GRM8: variants seen among roughly 807,000 people sequenced by gnomAD.
The protein encoded by GRM8 is glutamate metabotropic receptor 8.
In GRM8, 47 loss-of-function variants were observed where a neutral mutation model predicts 87.2. That is an observed-to-expected ratio of 0.54 (90% CI 0.43 to 0.69). The LOEUF (loss-of-function observed/expected upper bound fraction) is 0.69. GRM8 is among the 30% of genes least tolerant of loss of function. The probability of loss-of-function intolerance (pLI) is 0.00; values close to 1 mark genes in which losing one functional copy is unlikely to be tolerated. For synonymous variants in GRM8, 396 were observed against 404.5 expected, an observed-to-expected ratio of 0.98 and a Z score of 0.25; for missense variants, 1,019 against 1,139.2, an observed-to-expected ratio of 0.89 and a Z score of 1.52.
At chr7:127,023,751 CAAA>C (rs1332075287) in intron 3 of GRM8, among the ~76,000 whole-genome samples, 20 of 152,084 alleles carry the variant, frequency 1.3e-4, no homozygotes, top group Non-Finnish European at 5.9e-5. Context: ...TTTCCAATTT[CAAA>C]TCCACAGTCA....
At chr7:126,781,144 C>T (rs149871781) in intron 6 of GRM8, among the ~76,000 whole-genome samples, 20 of 152,274 alleles carry the variant, frequency 1.3e-4, no homozygotes, top group Non-Finnish European at 2.9e-4. Context: ...ACAGAAATAG[C>T]ATGTCCTGCC....
chr7:126,860,485 C>T (rs768513166), intron 6 of GRM8, among the ~76,000 whole-genome samples: 4 of 152,002 alleles, frequency 2.6e-5, no homozygotes, highest in Non-Finnish European at 5.9e-5. Context: ...AAGATGATTG[C>T]CTCTACTAAG....
chr7:127,113,850 G>T (rs1044997046), intron 2 of GRM8, among the ~76,000 whole-genome samples: 6 of 152,128 alleles, frequency 3.9e-5, no homozygotes, highest in African/African-American at 1.2e-4. Flanking sequence ...CTAGTTGCTT[G>T]TGGCAAAACA....
chr7:127,088,808 C>T (rs1486644927), intron 3 of GRM8, among the ~76,000 whole-genome samples: 3 of 152,126 alleles, frequency 2.0e-5, no homozygotes, highest in Non-Finnish European at 4.4e-5. Context: ...TGGAGCTCAC[C>T]CCAGCTTTCT....
At chr7:126,445,211 C>G (rs1210495469) in intron 10 of GRM8, 4 of 152,076 alleles carry the variant, frequency 2.6e-5, no homozygotes, top group Non-Finnish European at 5.9e-5. Context: ...TTCCAAAAGA[C>G]TGGAAGCCAC....
chr7:126,784,139 A>G (rs894708482), intron 6 of GRM8, among the ~76,000 whole-genome samples: 1 of 152,218 alleles, frequency 6.6e-6, no homozygotes, highest in Admixed American at 6.6e-5. Context: ...AAAACATTCC[A>G]AAACTGAAGT....
At position 127,081,125 on chromosome 7, in the gene GRM8, T is replaced by G. The variant is rs1204678716; in HGVS notation, c.727+25371A>C. ...TAATTAGAGATGTTTAGCAGACACT[T>G]AATCCCTAGAATAGCACGAAAGGTC... On this transcript the variant is annotated intron_variant, in intron 3 of 10. Coordinates refer to ENST00000339582, the MANE Select transcript of GRM8 (RefSeq NM_000845.3). Among the ~76,000 whole-genome samples the G allele has an allele frequency of 3.9e-5, 6 of 152,266 alleles. No individual in the cohort carries two copies. In the East Asian group the frequency reaches 1.2e-3, roughly 29 times the overall value.
At chr7:127,135,532 G>C in intron 2 of GRM8, among the ~76,000 whole-genome samples, 1 of 133,344 alleles carries the variant, frequency 7.5e-6, no homozygotes, top group African/African-American at 2.7e-5. Context: ...GAAGAGGCTA[G>C]TTAGAAAGTC....
intron 2 of GRM8, among the ~76,000 whole-genome samples, chr7:127,117,738 C>T (rs953153182): frequency 6.6e-6 from 1 of 152,232 alleles, no homozygotes; most frequent in Non-Finnish European, 1.5e-5. Flanking sequence ...TGACTTCAAA[C>T]TATCACCTAG....
At chr7:126,446,436 A>C in intron 9 of GRM8, 64 bp from the exon 10 acceptor site, 1 of 1,085,400 alleles carries the variant, frequency 9.2e-7, no homozygotes, top group Non-Finnish European at 1.3e-6. Context: ...AAAGCAAATA[A>C]CATACTATTT....
intron 6 of GRM8, among the ~76,000 whole-genome samples, chr7:126,900,078 C>G (rs1228205003): frequency 1.3e-5 from 2 of 152,068 alleles, no homozygotes; most frequent in African/African-American, 2.4e-5. Context: ...AGTCATCACT[C>G]CTCATCTTTT....
chr7:126,861,619 T>C (rs1198041012), intron 6 of GRM8, among the ~76,000 whole-genome samples: 1 of 151,298 alleles, frequency 6.6e-6, no homozygotes, highest in Non-Finnish European at 1.5e-5. Context: ...ATGCCCTTGA[T>C]TTTTTTTTAA....
intron 3 of GRM8, among the ~76,000 whole-genome samples, chr7:126,914,883 T>A (rs1165296637): frequency 6.6e-6 from 1 of 152,148 alleles, no homozygotes; most frequent in Non-Finnish European, 1.5e-5. Flanking sequence ...TATACCCCTG[T>A]AACAAACCTG....
chr7:126,959,791 G>C (rs1809117185), intron 3 of GRM8, among the ~76,000 whole-genome samples: 1 of 152,170 alleles, frequency 6.6e-6, no homozygotes, highest in African/African-American at 2.4e-5. Context: ...GTCATAATTT[G>C]ATCAGAAGCC....
chr7:127,202,743 C>T (rs1302973044), intron 2 of GRM8, among the ~76,000 whole-genome samples: 1 of 152,014 alleles, frequency 6.6e-6, no homozygotes, highest in Non-Finnish European at 1.5e-5. Flanking sequence ...AAGCCTGCCA[C>T]CACACAAGGA....
At chr7:126,610,365 T>C (rs1295356705) in intron 7 of GRM8, among the ~76,000 whole-genome samples, 1 of 152,106 alleles carries the variant, frequency 6.6e-6, no homozygotes, top group African/African-American at 2.4e-5. Flanking sequence ...CATTTTTTTA[T>C]TATTATTATT....
intron 6 of GRM8, among the ~76,000 whole-genome samples, chr7:126,890,467 CA>C (rs1186749068): frequency 6.6e-6 from 1 of 152,066 alleles, no homozygotes; most frequent in African/African-American, 2.4e-5. Context: ...AGGTCCTCAT[CA>C]CCATCAGAAC....
At chr7:126,934,662 G>C (rs1301860743) in intron 3 of GRM8, among the ~76,000 whole-genome samples, 3 of 152,126 alleles carry the variant, frequency 2.0e-5, no homozygotes, top group African/African-American at 7.2e-5. Flanking sequence ...TGGTAGGACT[G>C]GATCTAAAGG....
intron 3 of GRM8, among the ~76,000 whole-genome samples, chr7:127,008,878 A>G (rs981219820): frequency 6.6e-6 from 1 of 152,142 alleles, no homozygotes; most frequent in Non-Finnish European, 1.5e-5. Flanking sequence ...CCGCTTTTCA[A>G]ATATGTTTTT....
Sources: allele counts gnomAD v4.1 joint callset (sites outside exome capture counted in the v4.1 genomes callset), GRCh38; gene constraint gnomAD v4.1.1; transcripts MANE v1.5; gene names NCBI Gene and HGNC (gene_info 2026-07-23, HGNC 2026-07-21).